The following CEP250 variants were observed in gnomAD, a reference collection of about 807,000 sequenced individuals.
The protein encoded by CEP250 is centrosome-associated protein CEP250.
In CEP250, 242 loss-of-function variants were observed where a neutral mutation model predicts 315.7. That is an observed-to-expected ratio of 0.77 (90% confidence interval 0.69 to 0.85). The LOEUF (loss-of-function observed/expected upper bound fraction) is 0.85. CEP250 is among the 40% of genes least tolerant of loss of function. The probability of loss-of-function intolerance (pLI) is 0.00; values close to 1 mark genes in which losing one functional copy is unlikely to be tolerated. For missense variants in CEP250, 2,515 were observed against 2,886.4 expected, an observed-to-expected ratio of 0.87 and a Z score of 2.95; for synonymous variants, 1,088 against 1,175.0, an observed-to-expected ratio of 0.93 and a Z score of 1.51.
intron 20 of CEP250, among the ~76,000 whole-genome samples, chr20:35,488,514 C>T (rs890863531): frequency 1.3e-5 from 2 of 151,900 alleles, no homozygotes; most frequent in African/African-American, 4.8e-5. Context: ...AGTGCAGTGG[C>T]GTGATCAGGG....
chr20:35,475,328 T>C (rs2063140023), intron 14 of CEP250, among the ~76,000 whole-genome samples, 174 bp from the exon 15 acceptor site: 1 of 152,264 alleles, frequency 6.6e-6, no homozygotes, highest in South Asian at 2.1e-4. Flanking sequence ...ATCATGTATA[T>C]ACTGTTCTGC....
In CEP250 at chr20:35,499,612, A is replaced by G. The variant is rs143444885; in HGVS notation, c.3778-437A>G. Among the ~76,000 whole-genome samples, 444 of 152,354 alleles carry G rather than the reference A, an allele frequency of 2.9e-3. 1 individual carries two copies. Among genetic ancestry groups the G allele is most frequent in the African/African-American group, 9.9e-3 (411 of 41,594 alleles). Reference sequence around the variant, plus strand: ...GGAACCAAACTGCATTCTACTGGAAAGCAGAACTGAGAGAATTAATTGGAT... The same window carrying G: ...GGAACCAAACTGCATTCTACTGGAAGGCAGAACTGAGAGAATTAATTGGAT... On this transcript the variant is annotated intron_variant, in intron 27 of 34. Coordinates refer to ENST00000397527, the MANE Select transcript of CEP250 (RefSeq NM_007186.6).
At position 35,504,226 on chromosome 20, in the gene CEP250, C is replaced by T. The variant is rs374682692; in HGVS notation, c.5857C>T (p.Arg1953Trp). ...TCTGCGGGCAGAAAGTCAGTCCTCC[C>T]GGCATCAGGAGGAGGCTGCCCGGGC... ...EALRAESQSS[R>W]HQEEAARARA... is the part of the protein sequence containing the mutation. Residue 1953 changes from arginine to tryptophan, a missense_variant, in exon 30 of 35, where the codon CGG (arginine) becomes TGG (tryptophan). Transcript: ENST00000397527. 105 of 1,608,370 alleles carry T rather than the reference C, an allele frequency of 6.5e-5. No homozygotes were observed. Among genetic ancestry groups the T allele is most frequent in the Middle Eastern group, 1.6e-4 (1 of 6,066 alleles).
intron 5 of CEP250, 111 bp downstream of exon 5, chr20:35,463,742 A>C (rs1286616319): frequency 7.9e-6 from 6 of 755,332 alleles, no homozygotes; most frequent in Non-Finnish European, 1.1e-5. Flanking sequence ...GTTTGGTGGA[A>C]GGCTCTCTTT....
chr20:35,467,024 T>C lies in CEP250; in HGVS notation c.551T>C (p.Val184Ala). ...CGCCTTCTCAGTCTATGGCGGGAGG[T>C]TGTGACATTCCGACGCCACTTCCTG... ...HGRLLSLWRE[V>A]VTFRRHFLEM... Residue 184 changes from valine to alanine, a missense_variant, in exon 8 of 35, where the codon GTT (valine) becomes GCT (alanine). Coordinates refer to ENST00000397527, the MANE Select transcript of CEP250 (RefSeq NM_007186.6). The C allele has an allele frequency of 6.2e-7, 1 of 1,613,034 alleles. No individual in the cohort carries two copies. Among genetic ancestry groups the C allele is most frequent in the Non-Finnish European group, 8.5e-7 (1 of 1,179,580 alleles).
In CEP250 at chr20:35,504,325, G is replaced by C. The variant is rs1361445805; in HGVS notation, c.5956G>C (p.Glu1986Gln). Reference sequence around the variant, plus strand: ...GCAGGGGAAAGAGCAGCATCTCCTCGAGCAGGCAGAATTGAGCCGCAGTCT... The same window carrying C: ...GCAGGGGAAAGAGCAGCATCTCCTCCAGCAGGCAGAATTGAGCCGCAGTCT... ...ALQGKEQHLLEQAELSRSLEA... is the reference protein window; with the variant it reads ...ALQGKEQHLLQQAELSRSLEA... Residue 1986 changes from glutamate (E) to glutamine (Q), a missense_variant, in exon 30 of 35, where the codon GAG becomes CAG. Transcript: ENST00000397527. 1.9e-6 allele frequency: 3 copies of C among 1,589,812 alleles called. No individual in the cohort carries two copies. Among genetic ancestry groups the C allele is most frequent in the Non-Finnish European group, 2.6e-6 (3 of 1,168,394 alleles).
chr20:35,499,961 G>C, intron 27 of CEP250, 88 bp from the exon 28 acceptor site: 1 of 1,553,714 alleles, frequency 6.4e-7, no homozygotes, highest in Non-Finnish European at 8.8e-7. Flanking sequence ...GCCCACCACA[G>C]AAGCTGAGAA....
chr20:35,486,322 G>A (rs1431290075), intron 20 of CEP250, among the ~76,000 whole-genome samples: 1 of 151,952 alleles, frequency 6.6e-6, no homozygotes, highest in Non-Finnish European at 1.5e-5. Context: ...GCTCACTGAA[G>A]CTTCAAGCTC....
intron 23 of CEP250, chr20:35,494,320 G>A (rs779299078): frequency 1.7e-6 from 1 of 595,172 alleles, no homozygotes; most frequent in South Asian, 2.0e-5. Flanking sequence ...CATATGTGAG[G>A]CTGGGAGGCA....
chr20:35,474,734 A>C, intron 14 of CEP250: 1 of 466,202 alleles, frequency 2.1e-6, no homozygotes, highest in South Asian at 1.6e-5. Context: ...CTTAGTTTAA[A>C]TTATGGCTCT....
rs1214508289 is a variant in CEP250, at chr20:35,519,070, T to C, written c.*7444T>C. The C allele has an allele frequency of 1.3e-5, 2 of 151,844 alleles. No homozygotes were observed. The highest frequency in any genetic ancestry group is 3.9e-4 in the East Asian group (2 of 5,186). 9.4% of individuals were successfully genotyped at this position (151,844 alleles called of 1,614,324 possible). A position where few individuals can be genotyped will look rare whatever the true frequency, so the allele number is the denominator to read the frequency against. On this transcript the variant is annotated 3_prime_UTR_variant, in exon 35 of 35. Coordinates refer to ENST00000397527, the MANE Select transcript of CEP250 (RefSeq NM_007186.6). ...AATACGAAAAACAAAAAACATAATC[T>C]GGATTGCAGGGCTGATCGTTGCTAA...
At chr20:35,456,993 G>A (rs2062645149) in intron 1 of CEP250, among the ~76,000 whole-genome samples, 1 of 152,136 alleles carries the variant, frequency 6.6e-6, no homozygotes, top group Non-Finnish European at 1.5e-5. Context: ...TGTTGGCCAA[G>A]CTGGTCTCGA....
chr20:35,502,993 A>G lies in CEP250; in HGVS notation c.4624A>G (p.Arg1542Gly), dbSNP rs2064059474. The change falls in exon 30 of 35, where the codon AGA (arginine) becomes GGA (glycine). Residue 1542 changes from arginine to glycine, a missense_variant. Transcript: ENST00000397527. Reference sequence around the variant, plus strand: ...GAAAGACCAAATGATTGAGTCCCAGAGAGGACAGGTTCAGGACCTGAAAAA... The same window carrying G: ...GAAAGACCAAATGATTGAGTCCCAGGGAGGACAGGTTCAGGACCTGAAAAA... ...EKKDQMIESQ[R>G]GQVQDLKKQL... The G allele has an allele frequency of 1.2e-6, 2 of 1,614,190 alleles. No individual in the cohort carries two copies. Among genetic ancestry groups the G allele is most frequent in the East Asian group, 4.5e-5 (2 of 44,882 alleles).
intron 20 of CEP250, among the ~76,000 whole-genome samples, chr20:35,484,063 GT>G (rs2063434986): frequency 6.6e-6 from 1 of 151,448 alleles, no homozygotes; most frequent in African/African-American, 2.4e-5. Context: ...TTTAATTAAC[GT>G]TTTGGGGTCT....
Position 35,490,743 on chromosome 20 carries a change from T to C in CEP250, c.2693T>C (p.Met898Thr). The C allele has an allele frequency of 6.2e-7, 1 of 1,613,692 alleles. No individual in the cohort carries two copies. Among genetic ancestry groups the C allele is most frequent in the South Asian group, 1.1e-5 (1 of 91,052 alleles). Residue 898 changes from methionine (M) to threonine (T), a missense_variant, in exon 21 of 35, where the codon ATG (methionine) becomes ACG (threonine). By Grantham distance (81) the Met-to-Thr change is moderately conservative. Coordinates refer to ENST00000397527, the MANE Select transcript of CEP250 (RefSeq NM_007186.6). ...AGGCTAAAGGAGCAGCAGACAGAAA[T>C]GGAGGCCATCCAGGCCCAGAGGGAA... ...EMRLKEQQTE[M>T]EAIQAQREEE... is the part of the protein sequence containing the mutation.
At chr20:35,490,155 A>G (rs1272422837) in intron 20 of CEP250, among the ~76,000 whole-genome samples, 1 of 152,130 alleles carries the variant, frequency 6.6e-6, no homozygotes, top group African/African-American at 2.4e-5. Context: ...TCTACTAAAA[A>G]TACAAAAATT....
chr20:35,469,588 C>T (rs1048800522), intron 9 of CEP250, among the ~76,000 whole-genome samples: 12 of 152,176 alleles, frequency 7.9e-5, no homozygotes, highest in South Asian at 2.1e-4. Flanking sequence ...CAAGATCAAG[C>T]GAGGCCTGGA....
At chr20:35,510,576 G>C (rs2064327836) in intron 34 of CEP250, among the ~76,000 whole-genome samples, 1 of 152,228 alleles carries the variant, frequency 6.6e-6, no homozygotes, top group Admixed American at 6.5e-5. Flanking sequence ...GGAATCATAA[G>C]TGTTACCTTT....
intron 20 of CEP250, 111 bp from the exon 21 acceptor site, chr20:35,490,526 C>A: frequency 1.1e-6 from 1 of 935,770 alleles, no homozygotes; most frequent in Non-Finnish European, 1.6e-6. Context: ...TAGAGAGGTA[C>A]CAAGGTCACC....
Sources: gnomAD v4.1 joint callset for allele counts (sites outside exome capture counted in the v4.1 genomes callset) on GRCh38, gnomAD v4.1.1 for gene constraint, MANE v1.5 for transcripts, NCBI Gene and HGNC (gene_info 2026-07-23, HGNC 2026-07-21) for gene names.